The following ITSN1 variants were observed in gnomAD, a reference collection of about 807,000 sequenced individuals.
The protein encoded by ITSN1 is intersectin 1, also known as intersectin-1.
In ITSN1, 58 loss-of-function variants were observed where a neutral mutation model predicts 239.8. The ratio of observed to expected loss-of-function variants is 0.24; its 90% confidence interval spans 0.20 to 0.30. The LOEUF (loss-of-function observed/expected upper bound fraction) is 0.30. Among genes scored for constraint, ITSN1 ranks in the 10% least tolerant of loss-of-function variants. The pLI is 1.00. For missense variants in ITSN1, 1,558 were observed against 2,103.3 expected (o/e 0.74, Z 5.07); for synonymous variants, 780 against 770.8 (o/e 1.01, Z -0.20).
chr21:33,684,617 G>T (rs2091144640), intron 1 of ITSN1, among the ~76,000 whole-genome samples: 1 of 151,798 alleles, frequency 6.6e-6, no homozygotes, highest in African/African-American at 2.4e-5. Context: ...TCAGAAAGAG[G>T]GTCTCTTATT....
Position 33,894,034 on chromosome 21 carries a change from GT to G in ITSN1, c.*5735del, listed in dbSNP as rs1986541763. The G allele has an allele frequency of 6.6e-6, 1 of 152,228 alleles. No homozygotes were observed. The highest frequency in any genetic ancestry group is 2.1e-4 in the South Asian group (1 of 4,820). The allele number at this position is 152,228 out of a possible 1,614,324, so 9.4% of individuals were successfully genotyped here. ...AGTTAATGCACTGTTCATTTAGGGA[GT>G]CCCCATCCTGGTCCAGGCCACCCTC... On this transcript the variant is annotated 3_prime_UTR_variant, in exon 40 of 40. Coordinates refer to ENST00000381318, the MANE Select transcript of ITSN1 (RefSeq NM_003024.3).
intron 1 of ITSN1, among the ~76,000 whole-genome samples, chr21:33,687,398 TA>T (rs58230508): frequency 0.069 from 5,570 of 80,622 alleles, 58 homozygotes; most frequent in African/African-American, 0.092. Context: ...AACTCCATCT[TA>T]AAAAAAAAAA....
intron 1 of ITSN1, among the ~76,000 whole-genome samples, chr21:33,704,020 C>T (rs995876145): frequency 2.6e-5 from 4 of 152,188 alleles, no homozygotes; most frequent in East Asian, 1.9e-4. Flanking sequence ...TTCCTTTTCT[C>T]TAGGTATGTT....
chr21:33,676,970 C>T (rs966267374), intron 1 of ITSN1, among the ~76,000 whole-genome samples: 5 of 146,478 alleles, frequency 3.4e-5, no homozygotes, highest in Non-Finnish European at 7.4e-5. Context: ...AACACTTGGA[C>T]ACAGGGTGGG....
chr21:33,690,410 T>G (rs1207463364), intron 1 of ITSN1, among the ~76,000 whole-genome samples: 1 of 151,440 alleles, frequency 6.6e-6, no homozygotes, highest in East Asian at 2.0e-4. Flanking sequence ...CCATCCTGGC[T>G]AACATGGTGA....
chr21:33,696,184 T>C (rs989437770), intron 1 of ITSN1, among the ~76,000 whole-genome samples: 1 of 152,220 alleles, frequency 6.6e-6, no homozygotes, highest in Non-Finnish European at 1.5e-5. Flanking sequence ...GTAAGGCTTT[T>C]TTTTTGTTGT....
chr21:33,757,147 A>T (rs1012048459), intron 8 of ITSN1: 1 of 152,242 alleles, frequency 6.6e-6, no homozygotes, highest in Admixed American at 6.5e-5. Context: ...ACAAACCCAG[A>T]ACTACATTGC....
intron 38 of ITSN1, 127 bp from the exon 39 acceptor site, chr21:33,886,160 T>G: frequency 2.8e-6 from 2 of 719,050 alleles, no homozygotes; most frequent in Non-Finnish European, 4.5e-6. Flanking sequence ...TGCAATGAGC[T>G]GAGATCATAC....
At chr21:33,757,347 C>T (rs370455540) in intron 8 of ITSN1, among the ~76,000 whole-genome samples, 2 of 151,976 alleles carry the variant, frequency 1.3e-5, no homozygotes, top group African/African-American at 4.8e-5. Flanking sequence ...TTTTAAATAT[C>T]TGAGGCAGAA....
intron 1 of ITSN1, among the ~76,000 whole-genome samples, chr21:33,688,885 C>T (rs2091376688): frequency 6.6e-6 from 1 of 151,416 alleles, no homozygotes; most frequent in Non-Finnish European, 1.5e-5. Context: ...TGCAGTGGCA[C>T]GATCTCGGTG....
At chr21:33,771,317 C>T (rs1186101709) in intron 11 of ITSN1, among the ~76,000 whole-genome samples, 1 of 152,162 alleles carries the variant, frequency 6.6e-6, no homozygotes, top group East Asian at 1.9e-4. Context: ...CAGGGACTGG[C>T]ATGCTGCACA....
At chr21:33,671,105 A>G (rs1568896670) in intron 1 of ITSN1, among the ~76,000 whole-genome samples, 1 of 152,214 alleles carries the variant, frequency 6.6e-6, no homozygotes, top group Non-Finnish European at 1.5e-5. Context: ...CAAAAGTCGT[A>G]TGGGACAATT....
intron 20 of ITSN1, among the ~76,000 whole-genome samples, chr21:33,806,594 A>C (rs998467276): frequency 6.6e-6 from 1 of 152,356 alleles, no homozygotes; most frequent in South Asian, 2.1e-4. Flanking sequence ...GCGAGCTACA[A>C]TATGCAGTGT....
chr21:33,895,428 T>C lies in ITSN1; in HGVS notation c.*7128T>C, dbSNP rs1986657105. 1.3e-5 allele frequency: 2 copies of C among 151,784 alleles called. No individual in the cohort carries two copies. Among genetic ancestry groups the C allele is most frequent in the African/African-American group, 4.9e-5 (2 of 41,210 alleles). 9.4% of individuals were successfully genotyped at this position (151,784 alleles called of 1,614,324 possible). A position where few individuals can be genotyped will look rare whatever the true frequency, so the allele number is the denominator to read the frequency against. On this transcript the variant is annotated 3_prime_UTR_variant, in exon 40 of 40. Transcript: ENST00000381318. ...TGGTGTGTGCATGCGTGTTTGTGCG[T>C]GCGTGTGCATGTATGTGTTTGTGCG... is the stretch of plus-strand genomic sequence containing the variant.
At chr21:33,736,815 T>C (rs2066531571) in intron 5 of ITSN1, among the ~76,000 whole-genome samples, 1 of 152,152 alleles carries the variant, frequency 6.6e-6, no homozygotes, top group Admixed American at 6.5e-5. Flanking sequence ...CAAGGCCTCG[T>C]TGCTACTGAA....
intron 19 of ITSN1, among the ~76,000 whole-genome samples, chr21:33,800,956 C>G (rs530968226): frequency 3.1e-4 from 47 of 152,006 alleles, no homozygotes; most frequent in Non-Finnish European, 5.4e-4. Context: ...ACCTCTGCCT[C>G]CCGGGCTCAA....
At chr21:33,712,286 A>G (rs749470039) in intron 1 of ITSN1, among the ~76,000 whole-genome samples, 2 of 151,864 alleles carry the variant, frequency 1.3e-5, no homozygotes, top group African/African-American at 2.4e-5. Flanking sequence ...TGTTGTATAG[A>G]TGTTGTGTGC....
intron 1 of ITSN1, among the ~76,000 whole-genome samples, chr21:33,660,424 A>G (rs1196431705): frequency 2.0e-5 from 3 of 152,228 alleles, no homozygotes; most frequent in Non-Finnish European, 4.4e-5. Flanking sequence ...ATTTACACTT[A>G]AAATAGCTGT....
intron 30 of ITSN1, among the ~76,000 whole-genome samples, chr21:33,857,741 C>T (rs1305818944): frequency 6.6e-6 from 1 of 152,298 alleles, no homozygotes; most frequent in African/African-American, 2.4e-5. Flanking sequence ...AGGTGTTTGA[C>T]TGTTATTAAA....
Sources: allele counts gnomAD v4.1 joint callset (sites outside exome capture counted in the v4.1 genomes callset), GRCh38; gene constraint gnomAD v4.1.1; transcripts MANE v1.5; gene names NCBI Gene and HGNC (gene_info 2026-07-23, HGNC 2026-07-21).